Variants in ATP11B observed in about 807,000 individuals in gnomAD.
The protein encoded by ATP11B is ATPase phospholipid transporting 11B (putative), also known as phospholipid-transporting ATPase IF.
A neutral mutation model predicts 157.8 loss-of-function variants in ATP11B; 81 were observed. The ratio of observed to expected loss-of-function variants is 0.51; its 90% CI spans 0.43 to 0.62. ATP11B has a LOEUF of 0.62. ATP11B is among the 20% of genes least tolerant of loss of function. ATP11B has a pLI of 0.00. For synonymous variants in ATP11B, 451 were observed against 469.4 expected (o/e 0.96, Z 0.51); for missense variants, 1,165 against 1,402.2 (o/e 0.83, Z 2.70).
At chr3:182,810,207 C>T (rs1208603258) in intron 1 of ATP11B, among the ~76,000 whole-genome samples, 2 of 152,070 alleles carry the variant, frequency 1.3e-5, no homozygotes, top group African/African-American at 4.8e-5. Context: ...TGGTGGGTGC[C>T]TGTAATCCCA....
At chr3:182,915,123 TG>T (rs1725055037) in intron 29 of ATP11B, 1 of 984,914 alleles carries the variant, frequency 1.0e-6, no homozygotes, top group African/African-American at 1.7e-5. Flanking sequence ...ATGATGAGTA[TG>T]ATATCATTCA....
intron 4 of ATP11B, among the ~76,000 whole-genome samples, chr3:182,835,597 T>C (rs762700660): frequency 1.3e-5 from 2 of 152,108 alleles, no homozygotes; most frequent in African/African-American, 2.4e-5. Flanking sequence ...TTATGAGACA[T>C]CAAAATTGAG....
intron 1 of ATP11B, among the ~76,000 whole-genome samples, chr3:182,805,804 C>A (rs958107568): frequency 9.9e-5 from 15 of 151,736 alleles, no homozygotes; most frequent in African/African-American, 3.6e-4. Context: ...AAAAAAAATT[C>A]TTGAGTTGTA....
At chr3:182,915,525 G>C (rs941315689) in intron 29 of ATP11B, 1 of 905,478 alleles carries the variant, frequency 1.1e-6, no homozygotes, top group African/African-American at 1.8e-5. Flanking sequence ...ATAGGAGTTA[G>C]ACTAAGATAC....
rs369351448 is a variant in ATP11B at position 182,918,035 on chromosome 3, A to C, written c.3465A>C (p.Ala1155=). 1.9e-6 allele frequency: 3 copies of C among 1,613,288 alleles called. No homozygotes were observed. Among genetic ancestry groups the C allele is most frequent in the Non-Finnish European group, 2.5e-6 (3 of 1,179,440 alleles). Residue 1155 remains alanine, a synonymous_variant, in exon 30 of 30, where the codon GCA becomes GCC. Transcript: ENST00000323116. ...SPTHISRSWS[A]SDPFYTNDRS... ...ATTGTTACTTTAGATCATGGAGTGC[A>C]TCGGATCCTTTCTATACCAACGACA...
chr3:182,843,138 C>T (rs1317632956), intron 8 of ATP11B, among the ~76,000 whole-genome samples: 2 of 152,160 alleles, frequency 1.3e-5, no homozygotes, highest in Non-Finnish European at 2.9e-5. Context: ...TTTATTCATT[C>T]ATTTACCCTC....
chr3:182,912,114 G>A (rs1724836007), intron 28 of ATP11B, among the ~76,000 whole-genome samples: 1 of 152,140 alleles, frequency 6.6e-6, no homozygotes, highest in South Asian at 2.1e-4. Context: ...TGGAGTCTGG[G>A]TTGCTACAAG....
chr3:182,812,449 C>G (rs1433849169), intron 1 of ATP11B, among the ~76,000 whole-genome samples: 1 of 152,200 alleles, frequency 6.6e-6, no homozygotes. Flanking sequence ...ACTGGATAGG[C>G]AAAGAACTCA....
chr3:182,845,307 C>G (rs1324215616), intron 8 of ATP11B, 151 bp from the exon 9 acceptor site: 1 of 597,672 alleles, frequency 1.7e-6, no homozygotes, highest in African/African-American at 2.0e-5. Context: ...ACGCCCGGCC[C>G]CTGGGCAGCT....
At chr3:182,873,344 A>C (rs1721800481) in intron 18 of ATP11B, among the ~76,000 whole-genome samples, 1 of 152,028 alleles carries the variant, frequency 6.6e-6, no homozygotes, top group Non-Finnish European at 1.5e-5. Context: ...GTTTTCATTT[A>C]CTTTTTGGTT....
chr3:182,831,991 G>A (rs1017560046), intron 4 of ATP11B, among the ~76,000 whole-genome samples: 30 of 152,088 alleles, frequency 2.0e-4, no homozygotes, highest in African/African-American at 6.7e-4. Context: ...GAACTTATTG[G>A]ATATTTTTAA....
chr3:182,852,225 A>G (rs554466778), intron 10 of ATP11B, among the ~76,000 whole-genome samples: 3 of 152,370 alleles, frequency 2.0e-5, no homozygotes, highest in Non-Finnish European at 4.4e-5. Flanking sequence ...ATAGAATGGT[A>G]ATTGAAACCC....
chr3:182,794,257 C>T (rs1345825810), intron 1 of ATP11B, among the ~76,000 whole-genome samples: 1 of 152,174 alleles, frequency 6.6e-6, no homozygotes, highest in African/African-American at 2.4e-5. Context: ...CCACTCGTCA[C>T]GGACTTCTGG....
At chr3:182,899,876 T>C (rs1260015564) in intron 28 of ATP11B, among the ~76,000 whole-genome samples, 2 of 113,760 alleles carry the variant, frequency 1.8e-5, no homozygotes, top group East Asian at 2.9e-4. Flanking sequence ...TTTGTCCTTT[T>C]AACTCTATCG....
intron 1 of ATP11B, among the ~76,000 whole-genome samples, chr3:182,800,017 G>T (rs1292821602): frequency 6.6e-6 from 1 of 151,978 alleles, no homozygotes; most frequent in African/African-American, 2.4e-5. Context: ...GACTGAGGCA[G>T]GAGTATTGCT....
chr3:182,801,903 C>T (rs1716035596), intron 1 of ATP11B, among the ~76,000 whole-genome samples: 1 of 152,142 alleles, frequency 6.6e-6, no homozygotes, highest in South Asian at 2.1e-4. Flanking sequence ...AAGAATCTGT[C>T]AAATTCTAAG....
chr3:182,902,223 A>G (rs150030695), intron 28 of ATP11B, among the ~76,000 whole-genome samples: 1 of 152,360 alleles, frequency 6.6e-6, no homozygotes, highest in East Asian at 1.9e-4. Flanking sequence ...ACCATATCAA[A>G]GGAAGAGCTG....
intron 1 of ATP11B, among the ~76,000 whole-genome samples, chr3:182,812,845 C>T (rs2108492267): frequency 6.6e-6 from 1 of 152,272 alleles, no homozygotes; most frequent in East Asian, 1.9e-4. Flanking sequence ...ATCTTCCCAG[C>T]CTGAAACTCT....
Position 182,884,919 on chromosome 3 carries a change from A to G in ATP11B, c.2655+21A>G, listed in dbSNP as rs756187239. ...ATAAGGTGAGTTTCATGTATTTAGA[A>G]TCAATTATTGATATAGTAATATGAA... On this transcript the variant is annotated intron_variant, in intron 22 of 29. Transcript: ENST00000323116. 25 of 1,268,480 alleles carry G rather than the reference A, an allele frequency of 2.0e-5. No individual in the cohort carries two copies. In the South Asian group the frequency reaches 3.0e-4, roughly 15 times the overall value. The allele number at this position is 1,268,480 out of a possible 1,614,324, so 78.6% of individuals were successfully genotyped here.
Sources: allele counts gnomAD v4.1 joint callset (sites outside exome capture counted in the v4.1 genomes callset), GRCh38; gene constraint gnomAD v4.1.1; transcripts MANE v1.5; gene names NCBI Gene and HGNC (gene_info 2026-07-23, HGNC 2026-07-21).